Variants in DMXL2 observed in about 807,000 individuals in gnomAD.
DMXL2 encodes the protein dmX-like protein 2.
Under a neutral mutation model 331.1 loss-of-function variants are expected in DMXL2, and 103 were observed. That is an observed-to-expected ratio of 0.31 (90% CI 0.27 to 0.37). DMXL2 has a LOEUF of 0.37. DMXL2 is among the 10% of genes least tolerant of loss of function. The pLI is 1.00. For synonymous variants in DMXL2, 1,281 were observed against 1,252.1 expected, an observed-to-expected ratio of 1.02 and a Z score of -0.49; for missense variants, 3,171 against 3,642.9, an observed-to-expected ratio of 0.87 and a Z score of 3.33.
At chr15:51,509,796 G>T (rs1031434531) in intron 15 of DMXL2, among the ~76,000 whole-genome samples, 5 of 152,002 alleles carry the variant, frequency 3.3e-5, no homozygotes, top group African/African-American at 1.2e-4. Flanking sequence ...ACATCAATGC[G>T]AAAAACCTCA....
At chr15:51,487,831 A>AGTT in intron 22 of DMXL2, 123 bp downstream of exon 22, 3 of 783,210 alleles carry the variant, frequency 3.8e-6, no homozygotes, top group Non-Finnish European at 3.7e-6. Flanking sequence ...TTTTAAGTAC[A>AGTT]GCAACCTCTG....
chr15:51,578,147 C>G (rs1363760465), intron 1 of DMXL2, among the ~76,000 whole-genome samples: 1 of 152,182 alleles, frequency 6.6e-6, no homozygotes, highest in Non-Finnish European at 1.5e-5. Context: ...ATCTTTGCAA[C>G]AAACCTGGAG....
chr15:51,614,489 T>C (rs2054169752), intron 1 of DMXL2, among the ~76,000 whole-genome samples: 1 of 152,230 alleles, frequency 6.6e-6, no homozygotes, highest in Non-Finnish European at 1.5e-5. Context: ...TACATTAATA[T>C]ATATCCTTGG....
chr15:51,474,315 A>T lies in DMXL2; in HGVS notation c.7213+29T>A, dbSNP rs78064401. Reference sequence around the variant, plus strand: ...AACATTCAAAATGATTAACATTTACATACATTACTGGTATCAAACGTATCT... The same window carrying T: ...AACATTCAAAATGATTAACATTTACTTACATTACTGGTATCAAACGTATCT... On this transcript the variant is annotated intron_variant, in intron 28 of 43. Transcript: ENST00000560891. 1.6e-3 allele frequency: 2,432 copies of T among 1,561,430 alleles called. 30 individuals carry two copies. The African/African-American group carries it at 0.03, about 19-fold the overall frequency.
At chr15:51,451,071 A>T (rs1036450609) in intron 42 of DMXL2, among the ~76,000 whole-genome samples, 1 of 152,228 alleles carries the variant, frequency 6.6e-6, no homozygotes, top group African/African-American at 2.4e-5. Flanking sequence ...TCTTAAAAGG[A>T]ATAATATTTA....
At position 51,541,629 on chromosome 15, in the gene DMXL2, A is replaced by T. The variant is rs1262837320; in HGVS notation, c.1105+704T>A. ...AACATTTAAAAATAAAAGCCCCTTC[A>T]CTCTGAAGCAACAGACCTCCAGTTC... On this transcript the variant is annotated intron_variant, in intron 9 of 43. Coordinates refer to ENST00000560891, the MANE Select transcript of DMXL2 (RefSeq NM_001378457.1). Among the ~76,000 whole-genome samples, 30 of 152,136 alleles carry T rather than the reference A, an allele frequency of 2.0e-4. 1 individual carries two copies. Among genetic ancestry groups the T allele is most frequent in the Non-Finnish European group, 2.4e-4 (16 of 67,986 alleles).
At chr15:51,473,994 GTT>G (rs2041352439) in intron 28 of DMXL2, among the ~76,000 whole-genome samples, 1 of 146,872 alleles carries the variant, frequency 6.8e-6, no homozygotes, top group Non-Finnish European at 1.5e-5. Context: ...AGAACTATCC[GTT>G]TTGTTTTTGC....
chr15:51,611,942 G>A (rs1313668844), intron 1 of DMXL2, among the ~76,000 whole-genome samples: 3 of 152,238 alleles, frequency 2.0e-5, no homozygotes, highest in African/African-American at 7.2e-5. Context: ...ACCACAGCCA[G>A]TAGCGGCAAC....
At chr15:51,593,882 G>A (rs1217719914) in intron 1 of DMXL2, among the ~76,000 whole-genome samples, 1 of 152,086 alleles carries the variant, frequency 6.6e-6, no homozygotes, top group African/African-American at 2.4e-5. Context: ...ACAAAGACAT[G>A]ACATACCAGA....
chr15:51,541,015 T>A (rs963897174), intron 9 of DMXL2, among the ~76,000 whole-genome samples: 1 of 152,194 alleles, frequency 6.6e-6, no homozygotes, highest in African/African-American at 2.4e-5. Flanking sequence ...CTATCACGAA[T>A]TGCATTTTGT....
chr15:51,476,492 C>T, intron 27 of DMXL2, 97 bp downstream of exon 27: 1 of 1,365,516 alleles, frequency 7.3e-7, no homozygotes, highest in Non-Finnish European at 1.0e-6. Flanking sequence ...AGGAACCACT[C>T]ACTAAATCCA....
At chr15:51,492,329 T>C (rs535473709) in intron 19 of DMXL2, among the ~76,000 whole-genome samples, 17 of 152,358 alleles carry the variant, frequency 1.1e-4, no homozygotes, top group Non-Finnish European at 1.9e-4. Context: ...TGGAGCTAAA[T>C]ATCACTTCAA....
In DMXL2 at chr15:51,448,435, C is replaced by G. The variant is rs952515555; in HGVS notation, c.*549G>C. 1 of 159,828 alleles carries G rather than the reference C, an allele frequency of 6.3e-6. No homozygotes were observed. Among genetic ancestry groups the G allele is most frequent in the Non-Finnish European group, 1.4e-5 (1 of 71,632 alleles). 9.9% of individuals were successfully genotyped at this position (159,828 alleles called of 1,614,324 possible). A position where few individuals can be genotyped will look rare whatever the true frequency, so the allele number is the denominator to read the frequency against. ...TTACAGTACTAGCTCAGTATAAACA[C>G]TAACAGGAAAAATATTCAGCAGGAA... is the stretch of plus-strand genomic sequence containing the variant. On this transcript the variant is annotated 3_prime_UTR_variant, in exon 44 of 44. Coordinates refer to ENST00000560891, the MANE Select transcript of DMXL2 (RefSeq NM_001378457.1).
chr15:51,577,548 G>A (rs1256917657), intron 1 of DMXL2, among the ~76,000 whole-genome samples: 2 of 152,146 alleles, frequency 1.3e-5, no homozygotes. Flanking sequence ...TTATAGACAA[G>A]GCAGACTTGG....
Position 51,481,472 on chromosome 15 carries a change from G to A in DMXL2, c.5634C>T (p.Asn1878=), listed in dbSNP as rs1227564114. The A allele has an allele frequency of 1.9e-6, 3 of 1,613,162 alleles. No individual in the cohort carries two copies. The highest frequency in any genetic ancestry group is 1.7e-6 in the Non-Finnish European group (2 of 1,179,754). Residue 1878 remains asparagine (N), a synonymous_variant, in exon 24 of 44, where the codon AAC becomes AAT. Coordinates refer to ENST00000560891, the MANE Select transcript of DMXL2 (RefSeq NM_001378457.1). The part of the protein sequence containing the change: ...KTEKNFVDKI[N]LIERKLFFTT... ...TAAAGAATAATTTTCTTTCTATGAGGTTAATTTTATCAACAAAGTTCTTCT... is the reference window on the plus strand; with the variant it reads ...TAAAGAATAATTTTCTTTCTATGAGATTAATTTTATCAACAAAGTTCTTCT...
Position 51,480,804 on chromosome 15 carries a change from G to A in DMXL2, c.6302C>T (p.Thr2101Ile), listed in dbSNP as rs751576397. ...CAGATCACTCTCTACTTTGGAATAT[G>A]TCTTACTGGAATACTCTTTAATAAC... ...ESVIKEYSSK[T>I]YSKVESDLLD... The change falls in exon 24 of 44, where the codon ACA becomes ATA. Residue 2101 changes from threonine to isoleucine, a missense_variant. Physicochemically the swap from Thr to Ile is moderately conservative, Grantham distance 89. Transcript: ENST00000560891. 2 of 1,609,846 alleles carry A rather than the reference G, an allele frequency of 1.2e-6. No homozygotes were observed. The highest frequency in any genetic ancestry group is 8.5e-7 in the Non-Finnish European group (1 of 1,177,950).
rs1310866438 is a variant in DMXL2, at chr15:51,481,534, G to A, written c.5572C>T (p.Pro1858Ser). 8.1e-6 allele frequency: 13 copies of A among 1,612,192 alleles called. No individual in the cohort carries two copies. The highest frequency in any genetic ancestry group is 1.1e-5 in the Non-Finnish European group (13 of 1,179,528). The change falls in exon 24 of 44, where the codon CCT becomes TCT. Residue 1858 changes from proline (P) to serine (S), a missense_variant. Pro to Ser is a moderately conservative substitution (Grantham distance 74). Around this residue, in one of 7 missense-constraint regions of DMXL2, gnomAD observed 244 missense variants for 251.4 expected, o/e 0.97. Transcript: ENST00000560891. ...PLLIRRNLAS[P>S]EGTLATLGLK... Reference sequence around the variant, plus strand: ...CCTAAGGTTGCCAAAGTTCCTTCAGGGGAGGCAAGATTTCTTCGAATGAGC... The same window carrying A: ...CCTAAGGTTGCCAAAGTTCCTTCAGAGGAGGCAAGATTTCTTCGAATGAGC...
In DMXL2 at chr15:51,499,337, T is replaced by C. The variant is rs139492658; in HGVS notation, c.3887A>G (p.Gln1296Arg). Residue 1296 changes from glutamine to arginine, a missense_variant, in exon 18 of 44, where the codon CAA becomes CGA. Coordinates refer to ENST00000560891, the MANE Select transcript of DMXL2 (RefSeq NM_001378457.1). ...DSSNAEEAAM[Q>R]DHSTFKSNML... ...ATTAGATTTAAAGGTCGAATGATCT[T>C]GCATTGCTGCCTCTTCTGCATTAGA... 5.8e-4 allele frequency: 938 copies of C among 1,614,002 alleles called. 3 individuals carry two copies. The African/African-American group carries it at 0.011, about 20-fold the overall frequency.
intron 8 of DMXL2, among the ~76,000 whole-genome samples, chr15:51,543,717 C>T (rs1010768125): frequency 2.6e-5 from 4 of 152,002 alleles, no homozygotes; most frequent in African/African-American, 7.3e-5. Context: ...GTAAGTCAGA[C>T]AATTACGTTT....
Sources: allele counts gnomAD v4.1 joint callset (sites outside exome capture counted in the v4.1 genomes callset), GRCh38; gene constraint gnomAD v4.1.1; regional missense constraint gnomAD v4.1.1; transcripts MANE v1.5; gene names NCBI Gene and HGNC (gene_info 2026-07-23, HGNC 2026-07-21).